The following CDH13 variants were observed in gnomAD, a reference collection of about 807,000 sequenced individuals.
CDH13 encodes cadherin 13.
CDH13 carries 24 observed loss-of-function variants against 63.8 expected under a neutral mutation model. The observed-to-expected ratio is 0.38, with a 90% CI of 0.27 to 0.53. CDH13 has a LOEUF of 0.53. Among genes scored for constraint, CDH13 ranks in the 20% least tolerant of loss-of-function variants. The pLI is 0.85. For missense variants in CDH13, 1,049 were observed against 903.1 expected (o/e 1.16, Z -2.07); for synonymous variants, 503 against 355.3 (o/e 1.42, Z -4.67).
chr16:83,417,966 C>G (rs1038383976), intron 6 of CDH13, among the ~76,000 whole-genome samples: 9 of 151,814 alleles, frequency 5.9e-5, no homozygotes, highest in African/African-American at 2.2e-4. Context: ...ACATGGAAAA[C>G]TCCTATACAT....
intron 7 of CDH13, among the ~76,000 whole-genome samples, chr16:83,572,790 C>T (rs753815698): frequency 2.0e-5 from 3 of 152,206 alleles, no homozygotes; most frequent in Non-Finnish European, 4.4e-5. Flanking sequence ...CATCATTTCT[C>T]CTATAAATTT....
At chr16:83,153,986 C>T (rs1304541916) in intron 4 of CDH13, among the ~76,000 whole-genome samples, 2 of 152,192 alleles carry the variant, frequency 1.3e-5, no homozygotes, top group Admixed American at 6.5e-5. Context: ...GTAAACAATG[C>T]TGTTTTTCAA....
chr16:83,681,869 G>A (rs556903645), intron 10 of CDH13, among the ~76,000 whole-genome samples: 36 of 147,940 alleles, frequency 2.4e-4, no homozygotes, highest in Non-Finnish European at 4.5e-4. Flanking sequence ...CAGATGCAAC[G>A]GCCTTCCAAG....
intron 8 of CDH13, among the ~76,000 whole-genome samples, chr16:83,612,529 G>A (rs1419633894): frequency 1.3e-5 from 2 of 151,718 alleles, no homozygotes; most frequent in African/African-American, 4.8e-5. Context: ...AACATATTCG[G>A]GTTTCAATCT....
chr16:83,353,905 G>C (rs2091006652), intron 6 of CDH13, among the ~76,000 whole-genome samples: 1 of 152,206 alleles, frequency 6.6e-6, no homozygotes, highest in Non-Finnish European at 1.5e-5. Context: ...TTAGGCCCAA[G>C]CCGGGAGTCA....
At chr16:83,262,215 C>G (rs1001153642) in intron 5 of CDH13, among the ~76,000 whole-genome samples, 7 of 152,132 alleles carry the variant, frequency 4.6e-5, no homozygotes, top group African/African-American at 1.7e-4. Context: ...TGAGGTTTAG[C>G]TTCATGCAAT....
chr16:82,859,698 C>G (rs1380052405), intron 2 of CDH13: 1 of 151,362 alleles, frequency 6.6e-6, no homozygotes, highest in Non-Finnish European at 1.5e-5. Flanking sequence ...TCCTTTAGTC[C>G]TATGCTATGT....
chr16:82,927,326 C>G (rs902413956), intron 2 of CDH13, among the ~76,000 whole-genome samples: 2 of 152,164 alleles, frequency 1.3e-5, no homozygotes, highest in African/African-American at 2.4e-5. Context: ...TCACCATTAC[C>G]TTGCATCGTG....
intron 1 of CDH13, among the ~76,000 whole-genome samples, chr16:82,840,277 T>C (rs1364230054): frequency 6.6e-6 from 1 of 151,790 alleles, no homozygotes; most frequent in Non-Finnish European, 1.5e-5. Context: ...AGGAGGGCGA[T>C]GTCCTTAGTC....
intron 7 of CDH13, among the ~76,000 whole-genome samples, chr16:83,544,839 T>C (rs956046365): frequency 6.6e-6 from 1 of 152,166 alleles, no homozygotes; most frequent in African/African-American, 2.4e-5. Context: ...CTACTAGGAT[T>C]AAAAGATACA....
intron 1 of CDH13, among the ~76,000 whole-genome samples, chr16:82,729,573 A>G (rs2033286822): frequency 6.6e-6 from 1 of 152,116 alleles, no homozygotes; most frequent in East Asian, 1.9e-4. Flanking sequence ...GTGCTGTTAG[A>G]CAGGCTTTTT....
intron 6 of CDH13, among the ~76,000 whole-genome samples, chr16:83,474,909 G>T (rs1208079192): frequency 1.3e-5 from 2 of 152,174 alleles, no homozygotes; most frequent in African/African-American, 4.8e-5. Context: ...TCAGTGAGCC[G>T]GTGCAGTTCT....
At chr16:83,366,299 C>T (rs1369687566) in intron 6 of CDH13, among the ~76,000 whole-genome samples, 2 of 152,160 alleles carry the variant, frequency 1.3e-5, no homozygotes, top group African/African-American at 4.8e-5. Context: ...ATCTCAGGGA[C>T]ATGTTTAGCA....
At chr16:83,117,935 C>T (rs1016259604) in intron 3 of CDH13, among the ~76,000 whole-genome samples, 1 of 152,164 alleles carries the variant, frequency 6.6e-6, no homozygotes, top group Non-Finnish European at 1.5e-5. Flanking sequence ...AGGTTTTAAC[C>T]TCAAATGCCC....
chr16:83,252,960 C>T (rs954710983), intron 5 of CDH13, among the ~76,000 whole-genome samples: 1 of 152,166 alleles, frequency 6.6e-6, no homozygotes, highest in African/African-American at 2.4e-5. Flanking sequence ...TCTGTGTCCT[C>T]TCTTCTAAAG....
intron 5 of CDH13, among the ~76,000 whole-genome samples, chr16:83,310,208 A>G (rs1401588743): frequency 6.6e-6 from 1 of 152,232 alleles, no homozygotes; most frequent in Non-Finnish European, 1.5e-5. Context: ...TCATTTTGAA[A>G]GACTAGTTAT....
chr16:82,845,064 G>A (rs2039201886), intron 1 of CDH13, among the ~76,000 whole-genome samples: 3 of 152,094 alleles, frequency 2.0e-5, no homozygotes, highest in Admixed American at 1.3e-4. Context: ...AGGAGAACCA[G>A]GTACAGGTAG....
At chr16:83,144,243 T>C (rs1597410564) in intron 4 of CDH13, among the ~76,000 whole-genome samples, 1 of 152,152 alleles carries the variant, frequency 6.6e-6, no homozygotes, top group East Asian at 1.9e-4. Context: ...TTGTACTTAT[T>C]TGGATAGTCA....
intron 6 of CDH13, among the ~76,000 whole-genome samples, chr16:83,425,769 C>A (rs1406844844): frequency 6.6e-6 from 1 of 152,020 alleles, no homozygotes; most frequent in Non-Finnish European, 1.5e-5. Flanking sequence ...CTTTTTCTTT[C>A]TTCCTTTGTC....
Sources: allele counts gnomAD v4.1 joint callset (sites outside exome capture counted in the v4.1 genomes callset), GRCh38; gene constraint gnomAD v4.1.1; transcripts MANE v1.5; gene names NCBI Gene and HGNC (gene_info 2026-07-23, HGNC 2026-07-21).